The following ARHGEF1 variants were observed in gnomAD, a reference collection of about 807,000 sequenced individuals.
ARHGEF1 encodes the protein Rho guanine nucleotide exchange factor 1, also known as 115 kDa guanine nucleotide exchange factor.
In ARHGEF1, 40 loss-of-function variants were observed where a neutral mutation model predicts 119.7. The ratio of observed to expected loss-of-function variants is 0.33; its 90% CI spans 0.26 to 0.44. ARHGEF1 has a LOEUF of 0.44. Among genes scored for constraint, ARHGEF1 ranks in the 20% least tolerant of loss-of-function variants. The probability of loss-of-function intolerance (pLI) is 1.00; values close to 1 mark genes in which losing one functional copy is unlikely to be tolerated. For synonymous variants in ARHGEF1, 494 were observed against 521.0 expected (o/e 0.95, Z 0.71); for missense variants, 976 against 1,268.3 (o/e 0.77, Z 3.50).
Position 41,904,334 on chromosome 19 carries a change from G to A in ARHGEF1, c.2112G>A (p.Leu704=), listed in dbSNP as rs781935083. 4 of 1,603,148 alleles carry A rather than the reference G, an allele frequency of 2.5e-6. No individual in the cohort carries two copies. Among genetic ancestry groups the A allele is most frequent in the Non-Finnish European group, 2.5e-6 (3 of 1,176,736 alleles). The change falls in exon 22 of 29, where the codon CTG becomes CTA. Residue 704 remains leucine (L), a synonymous_variant. Coordinates refer to ENST00000354532, the MANE Select transcript of ARHGEF1 (RefSeq NM_004706.4). The surrounding 1 kb of genome is among the most constrained non-coding windows in gnomAD (Gnocchi z 8.4). ...LTPTPDGKTM[L]RPVLRLTSAM... Reference sequence around the variant, plus strand: ...CCACGCCCGATGGCAAGACCATGCTGCGGCCCGTGCTGCGGCTCACCTCCG... The same window carrying A: ...CCACGCCCGATGGCAAGACCATGCTACGGCCCGTGCTGCGGCTCACCTCCG...
At chr19:41,929,583 C>G (rs2074893256) in intron 2 of ARHGEF1, 1 of 152,976 alleles carries the variant, frequency 6.5e-6, no homozygotes, top group Admixed American at 6.5e-5. Flanking sequence ...TCGCCCCTTG[C>G]CCCTCACCCT....
chr19:41,919,907 C>T (rs898843617), upstream of ARHGEF1, among the ~76,000 whole-genome samples: 8 of 152,110 alleles, frequency 5.3e-5, no homozygotes, highest in East Asian at 5.8e-4. Flanking sequence ...GCACCACACA[C>T]GTCACACAGA....
chr19:41,916,688 C>T lies in ARHGEF1; in HGVS notation c.1866-6404C>T, dbSNP rs2074803501. ...CAACCAAGCACCACCGACCCTCGAG[C>T]GCATACATATGCACTTGGTCACGCA... On this transcript the variant is annotated intron_variant, in intron 18 of 20. Coordinates refer to the ARHGEF1 transcript ENST00000599589. This position sits in a 1 kb window ranked among gnomAD's most constrained non-coding sequence, Gnocchi z 5.4. Among the ~76,000 whole-genome samples the T allele has an allele frequency of 1.3e-5, 2 of 151,934 alleles. No individual in the cohort carries two copies. The highest frequency in any genetic ancestry group is 4.2e-4 in the South Asian group (2 of 4,800).
upstream of ARHGEF1, among the ~76,000 whole-genome samples, chr19:41,921,139 G>A (rs560183410): frequency 1.3e-5 from 2 of 152,158 alleles, no homozygotes; most frequent in South Asian, 4.2e-4. This position sits in a 1 kb window ranked among gnomAD's most constrained non-coding sequence, Gnocchi z 4.4. Context: ...GAGAGGGAGG[G>A]TGGAGGCGCC....
chr19:41,897,140 A>G, intron 13 of ARHGEF1: 1 of 338,310 alleles, frequency 3.0e-6, no homozygotes. Flanking sequence ...CCGTCCCTCA[A>G]CCCCCCACCC....
At chr19:41,912,087 G>A (rs138974884), downstream of ARHGEF1, among the ~76,000 whole-genome samples, 498 of 152,048 alleles carry the variant, frequency 3.3e-3, 4 homozygotes, top group African/African-American at 0.011. Flanking sequence ...AGGCACAGTC[G>A]GAGAGCTGGC....
At position 41,907,277 on chromosome 19, in the gene ARHGEF1, C is replaced by T. The variant is rs868939256; in HGVS notation, c.*190C>T. The T allele has an allele frequency of 5.2e-6, 8 of 1,530,428 alleles. No individual in the cohort carries two copies. In the African/African-American group the frequency reaches 8.2e-5, roughly 16 times the overall value. The allele number at this position is 1,530,428 out of a possible 1,614,324, so 94.8% of individuals were successfully genotyped here. A position where few individuals can be genotyped will look rare whatever the true frequency, so the allele number is the denominator to read the frequency against. On this transcript the variant is annotated 3_prime_UTR_variant, in exon 29 of 29. Transcript: ENST00000354532. ...CCGCATGAGCCTCGGCCATCTCTCC[C>T]TCCTGCCCTCTGCTTGGGGGACTCA... is the stretch of plus-strand genomic sequence containing the variant.
chr19:41,888,808 A>G lies in ARHGEF1; in HGVS notation c.168A>G (p.Pro56=). ...FQSLEQVKRR[P]AHLMALLQHV... is the part of the protein sequence containing the mutation. The stretch of plus-strand genomic sequence containing the variant: ...GCCTGGAGCAGGTGAAGCGGCGCCC[A>G]GCCCACCTCATGGCCCTCCTGCAGC... The change falls in exon 4 of 29, where the codon CCA becomes CCG. Residue 56 remains proline, a synonymous_variant. Coordinates refer to ENST00000354532, the MANE Select transcript of ARHGEF1 (RefSeq NM_004706.4). The surrounding 1 kb of genome is among the most constrained non-coding windows in gnomAD (Gnocchi z 5.1). 6.2e-7 allele frequency: 1 copy of G among 1,614,024 alleles called. No homozygotes were observed. Among genetic ancestry groups the G allele is most frequent in the Non-Finnish European group, 8.5e-7 (1 of 1,179,920 alleles).
rs371929877 is a variant in ARHGEF1, at chr19:41,894,406, G to A, written c.745-45G>A. On this transcript the variant is annotated intron_variant, in intron 9 of 28. Transcript: ENST00000354532. ...TAGCGTCAAATTCTGCTTTGTTGTT[G>A]TCTCAGAGATGCTTAGCCTGGTCTT... 1.8e-5 allele frequency: 28 copies of A among 1,526,934 alleles called. No individual in the cohort carries two copies. The African/African-American group carries it at 3.3e-4, about 18-fold the overall frequency. The allele number at this position is 1,526,934 out of a possible 1,614,324, so 94.6% of individuals were successfully genotyped here.
At position 41,906,536 on chromosome 19, in the gene ARHGEF1, AG is replaced by A; in HGVS notation, c.2576del (p.Gly859AlafsTer4). Reference protein sequence around the residue: ...GPPRDGDGVPGGGPLSPARTQ... With the variant: ...GPPRDGDGVPXGGPLSPARTQ... Reference sequence around the variant, plus strand: ...CTCCTCGAGATGGGGATGGGGTCCCAGGGGGCGGCCCCCTGAGCCCAGCACG... The same window carrying A: ...CTCCTCGAGATGGGGATGGGGTCCCAGGGGCGGCCCCCTGAGCCCAGCACG... On this transcript the variant is annotated frameshift_variant, in exon 27 of 29. Coordinates refer to ENST00000354532, the MANE Select transcript of ARHGEF1 (RefSeq NM_004706.4). LOFTEE classifies it high-confidence loss of function. The surrounding 1 kb of genome is among the most constrained non-coding windows in gnomAD (Gnocchi z 4.5). 6.3e-7 allele frequency: 1 copy of A among 1,582,384 alleles called. No homozygotes were observed. Among genetic ancestry groups the A allele is most frequent in the Non-Finnish European group, 8.5e-7 (1 of 1,172,056 alleles).
Position 41,902,927 on chromosome 19 carries a change from G to A in ARHGEF1, c.1738+29G>A, listed in dbSNP as rs782535423. ...CCGCGGGCCTGGATCTCTGGGCCTCGGCTCTCCTCTTTTTTTTTTACATTT... is the reference window on the plus strand; with the variant it reads ...CCGCGGGCCTGGATCTCTGGGCCTCAGCTCTCCTCTTTTTTTTTTACATTT... On this transcript the variant is annotated intron_variant, in intron 18 of 28. Transcript: ENST00000354532. This position sits in a 1 kb window ranked among gnomAD's most constrained non-coding sequence, Gnocchi z 6.5. 14 of 1,525,024 alleles carry A rather than the reference G, an allele frequency of 9.2e-6. No individual in the cohort carries two copies. Among genetic ancestry groups the A allele is most frequent in the Middle Eastern group, 1.9e-4 (1 of 5,146 alleles). The allele number at this position is 1,525,024 out of a possible 1,614,324, so 94.5% of individuals were successfully genotyped here.
chr19:41,897,365 C>T, intron 13 of ARHGEF1: 1 of 1,214,464 alleles, frequency 8.2e-7, no homozygotes, highest in Non-Finnish European at 1.1e-6. Flanking sequence ...GGGCTAGCCC[C>T]TCCCCCATTT....
In ARHGEF1 at chr19:41,892,422, C is replaced by T. The variant is rs782788160; in HGVS notation, c.367+49C>T. 1 of 1,612,350 alleles carries T rather than the reference C, an allele frequency of 6.2e-7. No individual in the cohort carries two copies. The highest frequency in any genetic ancestry group is 8.5e-7 in the Non-Finnish European group (1 of 1,178,746). On this transcript the variant is annotated intron_variant, in intron 6 of 28. Transcript: ENST00000354532. This position sits in a 1 kb window ranked among gnomAD's most constrained non-coding sequence, Gnocchi z 6.3. ...GAGAGGTGTCTAGCGGGGACCACAC[C>T]TCCCAGGAGGCCAAGGGGAGGGAGG...
exon 1 of ARHGEF1, chr19:41,923,194 A>G: frequency 2.2e-6 from 1 of 456,434 alleles, no homozygotes; most frequent in Non-Finnish European, 4.4e-6. Flanking sequence ...AACTTGGCCA[A>G]AGTCCCACAG....
In ARHGEF1 at chr19:41,905,299, G is replaced by A; in HGVS notation, c.2336+38G>A. ...ATGGAGAGAGCTGGAGGTTCAGGGAGTGGGGCCGGAAGGCGGGGCAGGCTT... is the reference window on the plus strand; with the variant it reads ...ATGGAGAGAGCTGGAGGTTCAGGGAATGGGGCCGGAAGGCGGGGCAGGCTT... On this transcript the variant is annotated intron_variant, in intron 24 of 28. Transcript: ENST00000354532. The surrounding 1 kb of genome is among the most constrained non-coding windows in gnomAD (Gnocchi z 6.4). The A allele has an allele frequency of 6.3e-7, 1 of 1,575,148 alleles. No homozygotes were observed.
At chr19:41,898,403 T>C (rs1405962149) in intron 13 of ARHGEF1, 39 bp from the exon 14 acceptor site, 5 of 1,548,964 alleles carry the variant, frequency 3.2e-6, no homozygotes, top group Non-Finnish European at 4.4e-6. Context: ...CTTCTTGGGA[T>C]GGCCCAAGCT....
In ARHGEF1 at chr19:41,904,528, C is replaced by T. The variant is rs1184480525; in HGVS notation, c.2161+145C>T. The T allele has an allele frequency of 2.0e-6, 2 of 998,794 alleles. No homozygotes were observed. The highest frequency in any genetic ancestry group is 1.6e-5 in the African/African-American group (1 of 61,142). The allele number at this position is 998,794 out of a possible 1,614,324, so 61.9% of individuals were successfully genotyped here. Reference sequence around the variant, plus strand: ...GAGAAGTAGGTGGAGGTGGGCAGGGCGGGGCCAGGCCTAGAGGGTTTATAA... The same window carrying T: ...GAGAAGTAGGTGGAGGTGGGCAGGGTGGGGCCAGGCCTAGAGGGTTTATAA... On this transcript the variant is annotated intron_variant, in intron 22 of 28. Transcript: ENST00000354532. This position sits in a 1 kb window ranked among gnomAD's most constrained non-coding sequence, Gnocchi z 8.4.
In ARHGEF1 at chr19:41,892,132, C is replaced by T. The variant is rs1555846313; in HGVS notation, c.324+9C>T. On this transcript the variant is annotated intron_variant, in intron 5 of 28. Coordinates refer to ENST00000354532, the MANE Select transcript of ARHGEF1 (RefSeq NM_004706.4). The surrounding 1 kb of genome is among the most constrained non-coding windows in gnomAD (Gnocchi z 6.3). ...TCCTGGAGAAGACAGCGGTGAGAGA[C>T]CTTCAAGCTGCCCCAACCCTGCAAT... The T allele has an allele frequency of 2.5e-6, 4 of 1,610,090 alleles. No homozygotes were observed. The highest frequency in any genetic ancestry group is 3.4e-6 in the Non-Finnish European group (4 of 1,177,348).
rs1555851933 is a variant in ARHGEF1, at chr19:41,916,074, A to ATG, written c.1866-7015_1866-7014dup. On this transcript the variant is annotated intron_variant, in intron 18 of 20. Transcript: ENST00000599589. This position sits in a 1 kb window ranked among gnomAD's most constrained non-coding sequence, Gnocchi z 5.4. The stretch of plus-strand genomic sequence containing the variant: ...GCCATGGCACCGAATGTGTGTGCGC[A>ATG]TGTGAGCGAAGCGGTGTGCAGAGGC... Among the ~76,000 whole-genome samples, 1 of 150,232 alleles carries ATG rather than the reference A, an allele frequency of 6.7e-6. No individual in the cohort carries two copies.
Sources: allele counts gnomAD v4.1 joint callset (sites outside exome capture counted in the v4.1 genomes callset), GRCh38; gene constraint gnomAD v4.1.1; non-coding constraint Gnocchi (gnomAD v3.1); transcripts MANE v1.5; gene names NCBI Gene and HGNC (gene_info 2026-07-23, HGNC 2026-07-21).